Variants in P3H2 observed in about 807,000 individuals in gnomAD.
P3H2 encodes prolyl 3-hydroxylase 2.
In P3H2, 80 loss-of-function variants were observed where a neutral mutation model predicts 87.0. The ratio of observed to expected loss-of-function variants is 0.92; its 90% CI spans 0.77 to 1.11. The LOEUF (loss-of-function observed/expected upper bound fraction) is 1.11. Ranked by LOEUF, P3H2 falls within the 50% of genes least tolerant of loss-of-function variation. The pLI is 0.00. For synonymous variants in P3H2, 367 were observed against 359.3 expected (o/e 1.02, Z -0.24); for missense variants, 1,001 against 923.9 (o/e 1.08, Z -1.08).
chr3:189,985,161 AG>A (rs1723650402), intron 6 of P3H2, among the ~76,000 whole-genome samples: 1 of 151,984 alleles, frequency 6.6e-6, no homozygotes, highest in Non-Finnish European at 1.5e-5. Context: ...AAATGAAAAA[AG>A]GTTGTAAATG....
intron 1 of P3H2, among the ~76,000 whole-genome samples, chr3:190,095,891 C>T (rs142296189): frequency 0.017 from 2,585 of 152,092 alleles, 68 homozygotes; most frequent in African/African-American, 0.06. Flanking sequence ...CTTGAGCCAC[C>T]GCGCCCGGCC....
In P3H2 at chr3:189,988,839, A is replaced by T. The variant is rs562568324; in HGVS notation, c.955+68T>A. On this transcript the variant is annotated intron_variant, in intron 4 of 14. Coordinates refer to ENST00000319332, the MANE Select transcript of P3H2 (RefSeq NM_018192.4). ...GAAGAAGTCAGAAAACTCAATTACA[A>T]AAATGTGATGTCTGTAATGATGAAC... The T allele has an allele frequency of 1.1e-4, 175 of 1,586,552 alleles. No homozygotes were observed. The South Asian group carries it at 1.4e-3, about 13-fold the overall frequency.
At chr3:190,082,143 C>A (rs536647992) in intron 1 of P3H2, among the ~76,000 whole-genome samples, 1 of 152,272 alleles carries the variant, frequency 6.6e-6, no homozygotes, top group Non-Finnish European at 1.5e-5. Flanking sequence ...GTAATCCCAG[C>A]TACTCAGGAG....
intron 9 of P3H2, 77 bp downstream of exon 9, chr3:189,974,481 A>G: frequency 6.3e-7 from 1 of 1,584,976 alleles, no homozygotes; most frequent in South Asian, 1.1e-5. Flanking sequence ...CTGGCTCCAG[A>G]TGAGACCAGG....
At chr3:190,107,280 G>C (rs1384816051) in intron 1 of P3H2, among the ~76,000 whole-genome samples, 2 of 152,000 alleles carry the variant, frequency 1.3e-5, no homozygotes, top group African/African-American at 4.8e-5. Context: ...TACCTATTGA[G>C]GTAAAAAATA....
rs564520934 is a variant in P3H2 at position 189,961,770 on chromosome 3, T to G, written c.2034+2188A>C. ...GAAGACTGGAGAGGTTTTCTAGTAC[T>G]TTTCCATCAGAGGAAGGGACGCTGG... On this transcript the variant is annotated intron_variant, in intron 14 of 14. Transcript: ENST00000319332. 1.1e-4 allele frequency among the ~76,000 whole-genome samples: 17 copies of G among 152,352 alleles called. No individual in the cohort carries two copies. The South Asian group carries it at 3.5e-3, about 32-fold the overall frequency.
At chr3:190,076,441 T>C (rs1474221789) in intron 1 of P3H2, among the ~76,000 whole-genome samples, 2 of 152,136 alleles carry the variant, frequency 1.3e-5, no homozygotes, top group East Asian at 1.9e-4. Flanking sequence ...ACCTTAATCA[T>C]GGAAAGATGG....
chr3:190,079,020 T>G (rs1287258923), intron 1 of P3H2, among the ~76,000 whole-genome samples: 1 of 152,092 alleles, frequency 6.6e-6, no homozygotes, highest in Non-Finnish European at 1.5e-5. Flanking sequence ...CTATGTAACC[T>G]CTGACATCAA....
chr3:190,035,331 A>G lies in P3H2; in HGVS notation c.481-39889T>C, dbSNP rs148842290. 6.7e-3 allele frequency among the ~76,000 whole-genome samples: 1,019 copies of G among 152,300 alleles called. 7 individuals are homozygous for G. The highest frequency in any genetic ancestry group is 0.022 in the African/African-American group (927 of 41,562). On this transcript the variant is annotated intron_variant, in intron 1 of 14. Coordinates refer to ENST00000319332, the MANE Select transcript of P3H2 (RefSeq NM_018192.4). ...TATTTTAACTTCTCTGGTTCATTCTATTTAATAGGTATTAGAGGATACCTG... is the reference window on the plus strand; with the variant it reads ...TATTTTAACTTCTCTGGTTCATTCTGTTTAATAGGTATTAGAGGATACCTG...
At chr3:189,969,004 G>T in intron 13 of P3H2, 1 of 224,708 alleles carries the variant, frequency 4.5e-6, no homozygotes, top group South Asian at 9.5e-5. Context: ...TTAGCCCTTT[G>T]TCAAAAGGAT....
At chr3:190,069,762 T>C (rs1475918143) in intron 1 of P3H2, among the ~76,000 whole-genome samples, 10 of 152,092 alleles carry the variant, frequency 6.6e-5, no homozygotes, top group African/African-American at 7.2e-5. Context: ...GAAAGTGAAA[T>C]AGTGCTAACA....
chr3:190,068,092 G>A (rs1726572372), intron 1 of P3H2, among the ~76,000 whole-genome samples: 1 of 151,848 alleles, frequency 6.6e-6, no homozygotes. Flanking sequence ...ATCAAGAAAG[G>A]TTAAGATGAA....
chr3:190,022,348 GA>G lies in P3H2; in HGVS notation c.481-26907del, dbSNP rs1402331028. ...CCTCAGGGGTGGGGTGTGCATTCAAGAAAACAGATCCAGCCAGGGGACCAAA... is the reference window on the plus strand; with the variant it reads ...CCTCAGGGGTGGGGTGTGCATTCAAGAAACAGATCCAGCCAGGGGACCAAA... On this transcript the variant is annotated intron_variant, in intron 1 of 14. Transcript: ENST00000319332. Among the ~76,000 whole-genome samples, 3 of 135,204 alleles carry G rather than the reference GA, an allele frequency of 2.2e-5. 1 individual carries two copies. The highest frequency in any genetic ancestry group is 1.7e-5 in the Non-Finnish European group (1 of 60,456). 88.7% of individuals were successfully genotyped at this position (135,204 alleles called of 152,430 possible).
chr3:190,084,721 T>G (rs191697159), intron 1 of P3H2, among the ~76,000 whole-genome samples: 15 of 152,212 alleles, frequency 9.9e-5, no homozygotes, highest in Admixed American at 2.0e-4. Context: ...TATAATGAAG[T>G]AATATGAAAC....
intron 1 of P3H2, among the ~76,000 whole-genome samples, chr3:190,055,975 G>T (rs866309487): frequency 6.6e-6 from 1 of 152,146 alleles, no homozygotes; most frequent in African/African-American, 2.4e-5. Context: ...GCTGTATTTG[G>T]AGATAGGGGA....
chr3:190,002,662 G>T (rs1428500543), intron 1 of P3H2, among the ~76,000 whole-genome samples: 1 of 152,156 alleles, frequency 6.6e-6, no homozygotes, highest in East Asian at 1.9e-4. Flanking sequence ...GCCTACCAAA[G>T]TGCTGGGATT....
At chr3:190,031,310 T>G (rs1725243380) in intron 1 of P3H2, among the ~76,000 whole-genome samples, 1 of 152,140 alleles carries the variant, frequency 6.6e-6, no homozygotes. Flanking sequence ...CTTGTGTACA[T>G]AAAATTACAT....
rs1230883735 is a variant in P3H2, at chr3:189,971,964, A to G, written c.1743T>C (p.Ala581=). The part of the protein sequence containing the change: ...RRNDLSHPIH[A]DNCLLDPEAN... ...CCTCTGGATCCAACAAACAGTTGTC[A>G]GCATGGATGGGATGACTGAGGTCAT... is the stretch of plus-strand genomic sequence containing the variant. The change falls in exon 12 of 15, where the codon GCT becomes GCC. Residue 581 remains alanine, a synonymous_variant. Coordinates refer to ENST00000319332, the MANE Select transcript of P3H2 (RefSeq NM_018192.4). 18 of 1,613,740 alleles carry G rather than the reference A, an allele frequency of 1.1e-5. No individual in the cohort carries two copies. Among genetic ancestry groups the G allele is most frequent in the Non-Finnish European group, 1.5e-5 (18 of 1,179,732 alleles).
intron 1 of P3H2, among the ~76,000 whole-genome samples, chr3:190,026,931 T>C (rs967118): frequency 0.25 from 38,779 of 152,160 alleles, 5,268 homozygotes; most frequent in East Asian, 0.44. Context: ...TATGAAGCTA[T>C]AAAATGAAAA....
Sources: allele counts gnomAD v4.1 joint callset (sites outside exome capture counted in the v4.1 genomes callset), GRCh38; gene constraint gnomAD v4.1.1; transcripts MANE v1.5; gene names NCBI Gene and HGNC (gene_info 2026-07-23, HGNC 2026-07-21).